MCTP2: variants seen among roughly 807,000 people sequenced by gnomAD.
MCTP2 encodes multiple C2 and transmembrane domain-containing protein 2.
A neutral mutation model predicts 111.6 loss-of-function variants in MCTP2; 132 were observed. That is an observed-to-expected ratio of 1.18 (90% CI 1.03 to 1.37). MCTP2 has a LOEUF of 1.37. Among genes scored for constraint, MCTP2 ranks in the 40% most tolerant of loss-of-function variants. The probability of loss-of-function intolerance (pLI) is 0.00; values close to 1 mark genes in which losing one functional copy is unlikely to be tolerated. For synonymous variants in MCTP2, 395 were observed against 387.7 expected (o/e 1.02, Z -0.22); for missense variants, 1,183 against 1,067.9 (o/e 1.11, Z -1.50).
intron 1 of MCTP2, among the ~76,000 whole-genome samples, chr15:94,261,851 G>C (rs1295918436): frequency 6.6e-6 from 1 of 152,158 alleles, no homozygotes; most frequent in African/African-American, 2.4e-5. Flanking sequence ...GTGAACTGAA[G>C]TGTTTTTCAT....
At position 94,479,231 on chromosome 15, in the gene MCTP2, C is replaced by T. The variant is rs144055229; in HGVS notation, c.*197C>T. 2.3e-4 allele frequency: 138 copies of T among 604,822 alleles called. No homozygotes were observed. The East Asian group carries it at 2.9e-3, about 13-fold the overall frequency. 37.5% of individuals were successfully genotyped at this position (604,822 alleles called of 1,614,324 possible). A position where few individuals can be genotyped will look rare whatever the true frequency, so the allele number is the denominator to read the frequency against. On this transcript the variant is annotated 3_prime_UTR_variant, in exon 23 of 23. Transcript: ENST00000357742. ...CCCTCATGCATGGGTGTCCTAGTTG[C>T]GTAGAGGGTCAGCCCAGCGAAAAGC...
intron 1 of MCTP2, among the ~76,000 whole-genome samples, chr15:94,253,199 C>T (rs367543956): frequency 2.0e-5 from 3 of 152,202 alleles, no homozygotes; most frequent in African/African-American, 2.4e-5. Context: ...TGAGGAGAGA[C>T]GGTTCCTGTC....
At chr15:94,395,263 A>G (rs1004457474) in intron 14 of MCTP2, among the ~76,000 whole-genome samples, 1 of 152,238 alleles carries the variant, frequency 6.6e-6, no homozygotes, top group African/African-American at 2.4e-5. Context: ...CCTTTTATGC[A>G]GAGTGAATAA....
chr15:94,315,741 G>A (rs1255273414), intron 4 of MCTP2, 104 bp downstream of exon 4: 3 of 790,850 alleles, frequency 3.8e-6, no homozygotes, highest in East Asian at 5.3e-5. Flanking sequence ...CATGGTTTAG[G>A]ATAGACAGTG....
At chr15:94,357,884 G>T (rs991040421) in intron 9 of MCTP2, among the ~76,000 whole-genome samples, 5 of 152,184 alleles carry the variant, frequency 3.3e-5, no homozygotes, top group Admixed American at 1.3e-4. Flanking sequence ...AGAAACACTT[G>T]TGGAGTTTTC....
chr15:94,301,241 T>A (rs552644859), intron 2 of MCTP2, among the ~76,000 whole-genome samples: 1 of 152,164 alleles, frequency 6.6e-6, no homozygotes, highest in Non-Finnish European at 1.5e-5. Flanking sequence ...CTGGGTGGCA[T>A]GCTTGCAGAG....
intron 1 of MCTP2, among the ~76,000 whole-genome samples, chr15:94,245,026 CTA>C (rs1428254219): frequency 6.8e-6 from 1 of 146,844 alleles, no homozygotes; most frequent in African/African-American, 2.5e-5. Context: ...ACATATGCAC[CTA>C]TGTTTATATA....
chr15:94,411,468 TG>T (rs2082149415), intron 17 of MCTP2, among the ~76,000 whole-genome samples: 1 of 152,160 alleles, frequency 6.6e-6, no homozygotes, highest in Non-Finnish European at 1.5e-5. Flanking sequence ...GCGTGCTTGC[TG>T]GGGTAGCCTG....
At chr15:94,240,595 T>C (rs1334305171) in intron 1 of MCTP2, among the ~76,000 whole-genome samples, 3 of 152,144 alleles carry the variant, frequency 2.0e-5, no homozygotes, top group Admixed American at 6.5e-5. Context: ...ACCACATCCA[T>C]GTAGACCTGG....
In MCTP2 at chr15:94,474,520, C is replaced by T. The variant is rs112769179; in HGVS notation, c.2471-2176C>T. On this transcript the variant is annotated intron_variant, in intron 21 of 22. Transcript: ENST00000357742. The stretch of plus-strand genomic sequence containing the variant: ...TAATACATGAAGCCAGAACGGGGGC[C>T]CAGGTATTCCTACGTCACAACCTTT... 6.6e-3 allele frequency among the ~76,000 whole-genome samples: 998 copies of T among 152,304 alleles called. 9 individuals are homozygous for T. Among genetic ancestry groups the T allele is most frequent in the African/African-American group, 0.023 (959 of 41,556 alleles).
At chr15:94,290,023 G>A (rs964084500) in intron 1 of MCTP2, among the ~76,000 whole-genome samples, 11 of 152,100 alleles carry the variant, frequency 7.2e-5, no homozygotes, top group African/African-American at 1.2e-4. Flanking sequence ...GAATGTGGGC[G>A]GCCTCTAAAA....
chr15:94,338,365 G>A (rs959191583), intron 4 of MCTP2, among the ~76,000 whole-genome samples: 7 of 151,984 alleles, frequency 4.6e-5, no homozygotes, highest in East Asian at 1.9e-4. Flanking sequence ...TCATTCATTT[G>A]TGCCTCCTCC....
intron 17 of MCTP2, among the ~76,000 whole-genome samples, chr15:94,405,956 T>C (rs559282133): frequency 3.0e-4 from 45 of 152,332 alleles, no homozygotes; most frequent in African/African-American, 9.9e-4. Context: ...ATATGAGATG[T>C]TGACTTAGTG....
chr15:94,390,072 A>ACG (rs1354607776), intron 14 of MCTP2, among the ~76,000 whole-genome samples: 11 of 16,642 alleles, frequency 6.6e-4, no homozygotes, highest in East Asian at 6.5e-3. Context: ...ATATATATAT[A>ACG]TATATATATA....
At chr15:94,267,778 TTGCC>T (rs1369744573) in intron 1 of MCTP2, among the ~76,000 whole-genome samples, 1 of 152,074 alleles carries the variant, frequency 6.6e-6, no homozygotes, top group Non-Finnish European at 1.5e-5. Flanking sequence ...TTGGTTTTGT[TTGCC>T]TGCTTGCTTA....
chr15:94,288,208 G>A (rs566234934), intron 1 of MCTP2, among the ~76,000 whole-genome samples: 2 of 152,338 alleles, frequency 1.3e-5, no homozygotes, highest in Admixed American at 6.5e-5. Context: ...GATCATAGAT[G>A]TAGGTTGTTC....
intron 1 of MCTP2, among the ~76,000 whole-genome samples, chr15:94,283,213 G>T (rs1336581770): frequency 6.6e-6 from 1 of 152,164 alleles, no homozygotes; most frequent in African/African-American, 2.4e-5. Flanking sequence ...AAGTTGTGTG[G>T]CCAGGCAGGG....
chr15:94,356,850 C>G (rs868492420), intron 9 of MCTP2, among the ~76,000 whole-genome samples: 27 of 152,178 alleles, frequency 1.8e-4, no homozygotes, highest in Middle Eastern at 3.4e-3. Context: ...GAAAATAATT[C>G]ATCTTATTCT....
chr15:94,264,737 T>C (rs956340853), intron 1 of MCTP2, among the ~76,000 whole-genome samples: 3 of 152,218 alleles, frequency 2.0e-5, no homozygotes, highest in Non-Finnish European at 2.9e-5. Context: ...CAGTTACTTA[T>C]ATGTAACTTG....
Sources: gnomAD v4.1 joint callset for allele counts (sites outside exome capture counted in the v4.1 genomes callset) on GRCh38, gnomAD v4.1.1 for gene constraint, MANE v1.5 for transcripts, NCBI Gene and HGNC (gene_info 2026-07-23, HGNC 2026-07-21) for gene names.